AUTS2: variants seen among roughly 807,000 people sequenced by gnomAD.
AUTS2 encodes the protein autism susceptibility gene 2 protein.
A neutral mutation model predicts 112.4 loss-of-function variants in AUTS2; 17 were observed. The ratio of observed to expected loss-of-function variants is 0.15; its 90% CI spans 0.10 to 0.23. The LOEUF (loss-of-function observed/expected upper bound fraction) is 0.23. Among genes scored for constraint, AUTS2 ranks in the 10% least tolerant of loss-of-function variants. The pLI, the probability that AUTS2 is intolerant of heterozygous loss-of-function variation, is 1.00. For synonymous variants in AUTS2, 751 were observed against 702.7 expected (o/e 1.07, Z -1.09); for missense variants, 1,510 against 1,701.6 (o/e 0.89, Z 1.98).
In AUTS2 at chr7:70,694,019, C is replaced by A. The variant is rs1330248780; in HGVS notation, c.691-4550C>A. ...AGGAGGGGCGGTGGCACCGGCGGCT[C>A]GGGCTCGGCGCGCCGAGGAAGTCCC... is the stretch of plus-strand genomic sequence containing the variant. On this transcript the variant is annotated intron_variant, in intron 5 of 18. Transcript: ENST00000342771. This position sits in a 1 kb window ranked among gnomAD's most constrained non-coding sequence, Gnocchi z 4.1. The A allele has an allele frequency of 2.6e-5, 4 of 151,586 alleles. No homozygotes were observed. The highest frequency in any genetic ancestry group is 9.7e-5 in the African/African-American group (4 of 41,380). 9.4% of individuals were successfully genotyped at this position (151,586 alleles called of 1,614,324 possible).
At chr7:70,149,493 G>A (rs1211815672) in intron 4 of AUTS2, among the ~76,000 whole-genome samples, 3 of 152,064 alleles carry the variant, frequency 2.0e-5, no homozygotes, top group East Asian at 3.9e-4. Context: ...AAAACTGGGG[G>A]ATAGTTACGA....
intron 4 of AUTS2, among the ~76,000 whole-genome samples, chr7:70,323,665 T>C (rs1433934234): frequency 6.6e-6 from 1 of 152,260 alleles, no homozygotes; most frequent in Non-Finnish European, 1.5e-5. Context: ...CTCACATATC[T>C]TATTTTTCAA....
intron 5 of AUTS2, among the ~76,000 whole-genome samples, chr7:70,463,260 G>A (rs935278031): frequency 6.6e-6 from 1 of 152,132 alleles, no homozygotes; most frequent in African/African-American, 2.4e-5. Flanking sequence ...GCACAGAGAC[G>A]GTCAAATAGT....
At chr7:69,606,079 G>A (rs1346675870) in intron 1 of AUTS2, among the ~76,000 whole-genome samples, 4 of 152,030 alleles carry the variant, frequency 2.6e-5, no homozygotes, top group Non-Finnish European at 5.9e-5. Flanking sequence ...ATGAATCCGT[G>A]AATTTAAAAA....
intron 4 of AUTS2, among the ~76,000 whole-genome samples, chr7:70,335,197 A>C (rs189585590): frequency 6.6e-6 from 1 of 152,280 alleles, no homozygotes; most frequent in African/African-American, 2.4e-5. Context: ...TGTGGCATTA[A>C]GTTTCATTAT....
rs3974587 is a variant in AUTS2, at chr7:70,511,561, C to CTTTTTTTT, written c.690+75802_690+75809dup. 1.5e-3 allele frequency among the ~76,000 whole-genome samples: 106 copies of CTTTTTTTT among 70,116 alleles called. 4 individuals are homozygous for CTTTTTTTT. The highest frequency in any genetic ancestry group is 2.5e-3 in the East Asian group (6 of 2,398). The allele number at this position is 70,116 out of a possible 152,430, so 46.0% of individuals were successfully genotyped here. A position where few individuals can be genotyped will look rare whatever the true frequency, so the allele number is the denominator to read the frequency against. On this transcript the variant is annotated intron_variant, in intron 5 of 18. Coordinates refer to ENST00000342771, the MANE Select transcript of AUTS2 (RefSeq NM_015570.4). ...TTCATTTTAAACTTTTTTTCATTTT[C>CTTTTTTTT]TTTTTTTTTTTTTTTTTTTTTTTTT...
chr7:70,549,311 A>C (rs1268841072), intron 5 of AUTS2, among the ~76,000 whole-genome samples: 1 of 152,172 alleles, frequency 6.6e-6, no homozygotes, highest in Non-Finnish European at 1.5e-5. Context: ...GCATCTTGGA[A>C]TAGAGACAGT....
intron 2 of AUTS2, among the ~76,000 whole-genome samples, chr7:69,953,801 C>T (rs1399678208): frequency 6.6e-6 from 1 of 152,134 alleles, no homozygotes. Context: ...AGGAAGAGGT[C>T]TGAAGGTAAT....
At chr7:69,638,264 G>T (rs919505113) in intron 1 of AUTS2, among the ~76,000 whole-genome samples, 4 of 152,192 alleles carry the variant, frequency 2.6e-5, no homozygotes, top group Non-Finnish European at 5.9e-5. Flanking sequence ...CAGTCCTCCT[G>T]CCTCAGCCTC....
intron 5 of AUTS2, among the ~76,000 whole-genome samples, chr7:70,674,093 A>C (rs1250658559): frequency 6.6e-6 from 1 of 152,078 alleles, no homozygotes; most frequent in African/African-American, 2.4e-5. Context: ...ACCTGGAGTC[A>C]CTAAGGCCTG....
chr7:69,891,116 C>CT lies in AUTS2; in HGVS notation c.310-8168dup, dbSNP rs1794500572. Among the ~76,000 whole-genome samples, 3 of 152,302 alleles carry CT rather than the reference C, an allele frequency of 2.0e-5. No homozygotes were observed. In the South Asian group the frequency reaches 6.2e-4, roughly 32 times the overall value. On this transcript the variant is annotated intron_variant, in intron 1 of 18. Coordinates refer to ENST00000342771, the MANE Select transcript of AUTS2 (RefSeq NM_015570.4). ...CGAACATGTTCACCCCAAAAGTTTCCTTATGTCCCTTTATAATCCCTTCTT... is the reference window on the plus strand; with the variant it reads ...CGAACATGTTCACCCCAAAAGTTTCCTTTATGTCCCTTTATAATCCCTTCTT...
chr7:70,716,760 G>A (rs540286245), intron 6 of AUTS2, among the ~76,000 whole-genome samples: 89 of 151,812 alleles, frequency 5.9e-4, no homozygotes, highest in African/African-American at 2.1e-3. Flanking sequence ...ATTCCAGCCT[G>A]GGAAAACTTG....
rs775662270 is a variant in AUTS2 at position 69,645,525 on chromosome 7, A to G, written c.309+45563A>G. 8.5e-5 allele frequency among the ~76,000 whole-genome samples: 13 copies of G among 152,210 alleles called. No homozygotes were observed. In the East Asian group the frequency reaches 1.9e-3, roughly 22 times the overall value. Reference sequence around the variant, plus strand: ...AAATCTTACCTTTTGTACAAAGTCAATGTTTTCAGTAATTTTGTTGAAAAC... The same window carrying G: ...AAATCTTACCTTTTGTACAAAGTCAGTGTTTTCAGTAATTTTGTTGAAAAC... On this transcript the variant is annotated intron_variant, in intron 1 of 18. Coordinates refer to ENST00000342771, the MANE Select transcript of AUTS2 (RefSeq NM_015570.4).
chr7:70,290,235 T>C, intron 4 of AUTS2: 1 of 961,130 alleles, frequency 1.0e-6, no homozygotes, highest in Non-Finnish European at 1.4e-6. Context: ...TTTTTCTGTG[T>C]AAAGGAGAAA....
chr7:70,074,075 G>T (rs1199239891), intron 2 of AUTS2, among the ~76,000 whole-genome samples: 1 of 152,166 alleles, frequency 6.6e-6, no homozygotes, highest in Non-Finnish European at 1.5e-5. Flanking sequence ...TCTCAAAATA[G>T]CTGTAAATGT....
chr7:69,891,246 C>T (rs1471356804), intron 1 of AUTS2, among the ~76,000 whole-genome samples: 6 of 152,076 alleles, frequency 3.9e-5, no homozygotes, highest in African/African-American at 7.2e-5. Context: ...TAATCTTTTC[C>T]GTCTGATTTC....
At chr7:70,619,992 G>A (rs796746751) in intron 5 of AUTS2, among the ~76,000 whole-genome samples, 30 of 152,254 alleles carry the variant, frequency 2.0e-4, no homozygotes, top group African/African-American at 6.5e-4. Flanking sequence ...CAGTCCTGTT[G>A]CCGAGAAGCG....
intron 4 of AUTS2, among the ~76,000 whole-genome samples, chr7:70,303,654 G>A (rs1160354283): frequency 6.6e-6 from 1 of 152,008 alleles, no homozygotes; most frequent in East Asian, 1.9e-4. Flanking sequence ...ACTCCAGAGG[G>A]TGCTATACAA....
intron 17 of AUTS2, 51 bp downstream of exon 17, chr7:70,786,089 G>C (rs776008634): frequency 4.0e-6 from 6 of 1,498,444 alleles, no homozygotes; most frequent in Non-Finnish European, 5.6e-6. Context: ...TATCTCCTGT[G>C]ATCCGCATAT....
Sources: gnomAD v4.1 joint callset for allele counts (sites outside exome capture counted in the v4.1 genomes callset) on GRCh38, gnomAD v4.1.1 for gene constraint, Gnocchi (gnomAD v3.1) non-coding constraint, MANE v1.5 for transcripts, NCBI Gene and HGNC (gene_info 2026-07-23, HGNC 2026-07-21) for gene names.